Variants in DOCK5 observed in about 807,000 individuals in gnomAD.
DOCK5 encodes the protein dedicator of cytokinesis protein 5.
In DOCK5, 142 loss-of-function variants were observed where a neutral mutation model predicts 251.8. That is an observed-to-expected ratio of 0.56 (90% CI 0.49 to 0.65). The LOEUF is 0.65. Among genes scored for constraint, DOCK5 ranks in the 30% least tolerant of loss-of-function variants. The pLI, the probability that DOCK5 is intolerant of heterozygous loss-of-function variation, is 0.00. For missense variants in DOCK5, 2,111 were observed against 2,312.3 expected (o/e 0.91, Z 1.79); for synonymous variants, 842 against 835.5 (o/e 1.01, Z -0.13).
At chr8:25,199,380 C>CTTTTTTTT (rs564264937) in intron 1 of DOCK5, among the ~76,000 whole-genome samples, 24 of 117,878 alleles carry the variant, frequency 2.0e-4, no homozygotes, top group African/African-American at 4.3e-4. Context: ...CCGCTCTGTT[C>CTTTTTTTT]TTTTTTTTTT....
intron 7 of DOCK5, among the ~76,000 whole-genome samples, chr8:25,298,128 TG>T (rs1284055859): frequency 2.0e-5 from 3 of 152,006 alleles, no homozygotes; most frequent in African/African-American, 4.8e-5. Flanking sequence ...CATTTTAATA[TG>T]TTTTTTTTCC....
intron 26 of DOCK5, chr8:25,351,528 G>A: frequency 1.8e-6 from 1 of 543,170 alleles, no homozygotes; most frequent in Non-Finnish European, 3.3e-6. Context: ...CATCTTTTAA[G>A]TGTTATGACT....
intron 1 of DOCK5, among the ~76,000 whole-genome samples, chr8:25,187,629 C>T (rs979301013): frequency 1.3e-5 from 2 of 151,972 alleles, no homozygotes; most frequent in Non-Finnish European, 2.9e-5. Flanking sequence ...TTGGAAGTCT[C>T]TCGTGGTCAA....
intron 13 of DOCK5, among the ~76,000 whole-genome samples, chr8:25,313,560 C>T (rs933858363): frequency 1.3e-5 from 2 of 152,206 alleles, no homozygotes. Flanking sequence ...TCCTGAGACC[C>T]TGTGTGAGTG....
At chr8:25,248,679 G>A (rs768356129) in intron 2 of DOCK5, among the ~76,000 whole-genome samples, 114 of 152,152 alleles carry the variant, frequency 7.5e-4, no homozygotes, top group Non-Finnish European at 1.4e-3. Flanking sequence ...CTGCCGTGTG[G>A]TTGGCTGAAA....
intron 34 of DOCK5, among the ~76,000 whole-genome samples, 163 bp downstream of exon 34, chr8:25,369,804 C>T (rs1471987382): frequency 1.3e-5 from 2 of 152,154 alleles, no homozygotes; most frequent in Non-Finnish European, 2.9e-5. Flanking sequence ...CTGTCCACAG[C>T]TGACATTGTT....
At chr8:25,310,821 T>C (rs1262234079) in intron 13 of DOCK5, among the ~76,000 whole-genome samples, 1 of 152,168 alleles carries the variant, frequency 6.6e-6, no homozygotes, top group Non-Finnish European at 1.5e-5. Flanking sequence ...ATATACAGTG[T>C]GCAAGTACAG....
intron 1 of DOCK5, among the ~76,000 whole-genome samples, chr8:25,238,731 G>T (rs577268556): frequency 6.6e-6 from 1 of 152,218 alleles, no homozygotes; most frequent in South Asian, 2.1e-4. Context: ...AAGTGTGTTT[G>T]AGTTTGGGGA....
intron 40 of DOCK5, among the ~76,000 whole-genome samples, chr8:25,387,407 C>G (rs556436931): frequency 6.6e-6 from 1 of 152,104 alleles, no homozygotes; most frequent in Non-Finnish European, 1.5e-5. Context: ...GACCAGTGAT[C>G]TTTGAATCAG....
chr8:25,315,477 A>G (rs1303077024), intron 13 of DOCK5, among the ~76,000 whole-genome samples: 2 of 152,186 alleles, frequency 1.3e-5, no homozygotes, highest in African/African-American at 2.4e-5. Context: ...GTGGCTCACC[A>G]TAGCCACCCA....
At chr8:25,344,893 C>A (rs1375957029) in intron 25 of DOCK5, among the ~76,000 whole-genome samples, 1 of 152,146 alleles carries the variant, frequency 6.6e-6, no homozygotes, top group Non-Finnish European at 1.5e-5. Context: ...ATTTCTGTAG[C>A]ATTCAGAGTA....
Position 25,195,796 on chromosome 8 carries a change from G to C in DOCK5, c.43+10845G>C, listed in dbSNP as rs1191273423. Among the ~76,000 whole-genome samples the C allele has an allele frequency of 2.6e-5, 4 of 152,240 alleles. No individual in the cohort carries two copies. In the East Asian group the frequency reaches 7.7e-4, roughly 29 times the overall value. On this transcript the variant is annotated intron_variant, in intron 1 of 51. Coordinates refer to ENST00000276440, the MANE Select transcript of DOCK5 (RefSeq NM_024940.8). Reference sequence around the variant, plus strand: ...CTTTATTTATTTGTTAGTGTTTACTGTCTGTCTCCCATACTAGAATGTAAA... The same window carrying C: ...CTTTATTTATTTGTTAGTGTTTACTCTCTGTCTCCCATACTAGAATGTAAA...
intron 48 of DOCK5, among the ~76,000 whole-genome samples, chr8:25,405,493 C>T (rs1801507571): frequency 6.6e-6 from 1 of 151,936 alleles, no homozygotes; most frequent in African/African-American, 2.4e-5. Flanking sequence ...AGTCTGTGGA[C>T]ATTTTTTTTC....
chr8:25,257,490 G>C (rs1425866662), intron 2 of DOCK5, among the ~76,000 whole-genome samples: 1 of 152,082 alleles, frequency 6.6e-6, no homozygotes, highest in African/African-American at 2.4e-5. Flanking sequence ...TTATACTTTT[G>C]GACACGACAT....
chr8:25,333,871 G>T (rs1805739169), intron 20 of DOCK5, among the ~76,000 whole-genome samples: 1 of 152,082 alleles, frequency 6.6e-6, no homozygotes, highest in Admixed American at 6.5e-5. Context: ...GCTTGAGTTG[G>T]TTTCTTCACA....
chr8:25,407,093 A>G (rs983028591), intron 48 of DOCK5, among the ~76,000 whole-genome samples: 1 of 152,170 alleles, frequency 6.6e-6, no homozygotes, highest in Non-Finnish European at 1.5e-5. Flanking sequence ...TAATACAAAA[A>G]TATGTATGTA....
intron 1 of DOCK5, among the ~76,000 whole-genome samples, chr8:25,195,677 A>T (rs114587584): frequency 6.6e-6 from 1 of 152,158 alleles, no homozygotes; most frequent in Non-Finnish European, 1.5e-5. Context: ...TCTTCCTTCA[A>T]ATAATCCCTG....
intron 6 of DOCK5, among the ~76,000 whole-genome samples, 163 bp downstream of exon 6, chr8:25,292,335 T>A (rs867847233): frequency 1.3e-5 from 2 of 152,112 alleles, no homozygotes; most frequent in Non-Finnish European, 2.9e-5. Flanking sequence ...TTGAAAAAAA[T>A]GTCACAGTTC....
At chr8:25,187,057 C>T (rs1174053131) in intron 1 of DOCK5, among the ~76,000 whole-genome samples, 1 of 151,220 alleles carries the variant, frequency 6.6e-6, no homozygotes, top group Admixed American at 6.6e-5. Flanking sequence ...AAAATTTAGC[C>T]GGGCATGGTC....
Sources: gnomAD v4.1 joint callset for allele counts (sites outside exome capture counted in the v4.1 genomes callset) on GRCh38, gnomAD v4.1.1 for gene constraint, MANE v1.5 for transcripts, NCBI Gene and HGNC (gene_info 2026-07-23, HGNC 2026-07-21) for gene names.